Variants in MUS81 observed in about 807,000 individuals in gnomAD.
MUS81 encodes structure-specific endonuclease subunit MUS81.
A neutral mutation model predicts 74.2 loss-of-function variants in MUS81; 69 were observed. The observed-to-expected ratio is 0.93, with a 90% CI of 0.77 to 1.14. The LOEUF is 1.14. MUS81 is among the 50% of genes most tolerant of loss of function. MUS81 has a pLI of 0.00. For missense variants in MUS81, 711 were observed against 726.5 expected (o/e 0.98, Z 0.25); for synonymous variants, 303 against 300.6 (o/e 1.01, Z -0.08).
intron 14 of MUS81, 169 bp from the exon 15 acceptor site, chr11:65,865,642 C>T (rs1320226687): frequency 1.4e-6 from 1 of 723,474 alleles, no homozygotes; most frequent in Non-Finnish European, 2.3e-6. Context: ...AGAGTTCCCA[C>T]AGGGAGGGAG....
Position 65,861,379 on chromosome 11 carries a change from G to A in MUS81, c.295G>A (p.Glu99Lys), listed in dbSNP as rs1233222635. 1 of 1,603,040 alleles carries A rather than the reference G, an allele frequency of 6.2e-7. No individual in the cohort carries two copies. The highest frequency in any genetic ancestry group is 8.5e-7 in the Non-Finnish European group (1 of 1,173,768). The change falls in exon 3 of 16, where the codon GAG becomes AAG. Residue 99 changes from glutamate (E) to lysine (K), a missense_variant. Physicochemically the swap from Glu to Lys is moderately conservative, Grantham distance 56. Coordinates refer to ENST00000308110, the MANE Select transcript of MUS81 (RefSeq NM_025128.5). ...CCATGCCCCGGACTCACCATCTGGAGAGAACAGTCCAGCCCCGCAGGGGCG... is the reference window on the plus strand; with the variant it reads ...CCATGCCCCGGACTCACCATCTGGAAAGAACAGTCCAGCCCCGCAGGGGCG... ...GDHAPDSPSG[E>K]NSPAPQGRLA...
intron 2 of MUS81, 41 bp downstream of exon 2, chr11:65,861,143 C>G: frequency 1.2e-6 from 2 of 1,610,196 alleles, no homozygotes; most frequent in Non-Finnish European, 1.7e-6. Flanking sequence ...CCCACCTCCC[C>G]CAGGTGGAGC....
rs1161452070 is a variant in MUS81, at chr11:65,865,595, G to C, written c.1506-216G>C. 3 of 631,780 alleles carry C rather than the reference G, an allele frequency of 4.7e-6. No homozygotes were observed. In the Admixed American group the frequency reaches 8.8e-5, roughly 19 times the overall value. The allele number at this position is 631,780 out of a possible 1,614,324, so 39.1% of individuals were successfully genotyped here. A position where few individuals can be genotyped will look rare whatever the true frequency, so the allele number is the denominator to read the frequency against. On this transcript the variant is annotated intron_variant, in intron 14 of 15. Transcript: ENST00000308110. ...AAGGGGTTGGGCCATTAAGGGGAGT[G>C]AGGGTGAAGGTTTGGAGCCTTTGCT... is the stretch of plus-strand genomic sequence containing the variant.
At position 65,866,030 on chromosome 11, in the gene MUS81, G is replaced by A. The variant is rs1185976667; in HGVS notation, c.1634G>A (p.Cys545Tyr). Reference protein sequence around the residue: ...ALSRTLSQLYCSYGPLT With the variant: ...ALSRTLSQLYYSYGPLT ...AGCAGGACCTTATCCCAGCTCTACT[G>A]CAGCTACGGCCCCTTGACCTGAGCT... The change falls in exon 16 of 16, where the codon TGC (cysteine) becomes TAC (tyrosine). Residue 545 changes from cysteine to tyrosine, a missense_variant. Cys to Tyr is a radical substitution (Grantham distance 194). Transcript: ENST00000308110. The A allele has an allele frequency of 1.2e-6, 2 of 1,613,904 alleles. No homozygotes were observed. Among genetic ancestry groups the A allele is most frequent in the African/African-American group, 1.3e-5 (1 of 74,904 alleles).
upstream of MUS81, among the ~76,000 whole-genome samples, chr11:65,859,736 C>T (rs1591050894): frequency 6.6e-6 from 1 of 152,228 alleles, no homozygotes; most frequent in East Asian, 1.9e-4. Context: ...CAAACCCTGG[C>T]GGGTCGCCTG....
rs900366780 is a variant in MUS81 at position 65,860,622 on chromosome 11, T to G, written c.-132T>G. 2.9e-5 allele frequency: 38 copies of G among 1,314,322 alleles called. No homozygotes were observed. The highest frequency in any genetic ancestry group is 4.0e-5 in the Non-Finnish European group (38 of 954,610). The allele number at this position is 1,314,322 out of a possible 1,614,324, so 81.4% of individuals were successfully genotyped here. On this transcript the variant is annotated 5_prime_UTR_variant, in exon 1 of 16. Transcript: ENST00000308110. ...GCCCCCTGTGTTTGGGGCCCCGTGA[T>G]CTCAACGGTCCTGCCCTCGGTCTCC...
At chr11:65,864,419 T>C in intron 10 of MUS81, 78 bp from the exon 11 acceptor site, 1 of 1,318,888 alleles carries the variant, frequency 7.6e-7, no homozygotes, top group Non-Finnish European at 1.1e-6. Context: ...CGGCACCATT[T>C]TGAGTGTGAC....
intron 6 of MUS81, among the ~76,000 whole-genome samples, 160 bp downstream of exon 6, chr11:65,862,689 G>A (rs934922617): frequency 6.6e-6 from 1 of 152,132 alleles, no homozygotes; most frequent in East Asian, 1.9e-4. Context: ...GTGTGAAACC[G>A]CAGCAGCGGG....
chr11:65,864,395 TG>T, intron 10 of MUS81, 101 bp from the exon 11 acceptor site: 1 of 1,055,894 alleles, frequency 9.5e-7, no homozygotes, highest in Non-Finnish European at 1.5e-6. Context: ...GGCTAACTGG[TG>T]GGAACAGGGT....
chr11:65,863,161 C>T lies in MUS81; in HGVS notation c.702C>T (p.Pro234=). ...ATGTGGGCATCGGGCCCAAGGAGCC[C>T]CCTGGGGAGGAGACAGCAGTGCCAG... ...LLNVGIGPKE[P]PGEETAVPGA... The change falls in exon 7 of 16, where the codon CCC becomes CCT. Residue 234 remains proline (P), a synonymous_variant. Coordinates refer to ENST00000308110, the MANE Select transcript of MUS81 (RefSeq NM_025128.5). 1 of 1,613,964 alleles carries T rather than the reference C, an allele frequency of 6.2e-7. No homozygotes were observed. Among genetic ancestry groups the T allele is most frequent in the Non-Finnish European group, 8.5e-7 (1 of 1,179,970 alleles).
At chr11:65,861,316 T>C in intron 2 of MUS81, 34 bp from the exon 3 acceptor site, 3 of 1,563,732 alleles carry the variant, frequency 1.9e-6, no homozygotes, top group Middle Eastern at 1.7e-4. Context: ...GCCGGATTCG[T>C]GGAGTGTGGA....
Position 65,864,676 on chromosome 11 carries a change from C to A in MUS81, c.1177-44C>A. 1.2e-6 allele frequency: 2 copies of A among 1,612,730 alleles called. No homozygotes were observed. The highest frequency in any genetic ancestry group is 1.1e-5 in the South Asian group (1 of 91,034). On this transcript the variant is annotated intron_variant, in intron 11 of 15. Coordinates refer to ENST00000308110, the MANE Select transcript of MUS81 (RefSeq NM_025128.5). ...GCCCCTGTGGTCCATGGTTCATGGTCTAGGCCAGGAGCCACCTTCCCTCTC... is the reference window on the plus strand; with the variant it reads ...GCCCCTGTGGTCCATGGTTCATGGTATAGGCCAGGAGCCACCTTCCCTCTC...
intron 6 of MUS81, 123 bp downstream of exon 6, chr11:65,862,652 AGCCCCCACTG>A: frequency 1.1e-6 from 1 of 914,838 alleles, no homozygotes; most frequent in Non-Finnish European, 1.7e-6. Flanking sequence ...TTTCCTCAGG[AGCCCCCACTG>A]TTGGAATACC....
At chr11:65,862,154 G>A (rs568772318) in intron 4 of MUS81, 57 bp from the exon 5 acceptor site, 51 of 1,596,914 alleles carry the variant, frequency 3.2e-5, no homozygotes, top group Admixed American at 1.2e-4. Flanking sequence ...CCACCTGAGC[G>A]GGATGAGGAG....
downstream of MUS81, chr11:65,866,654 G>A (rs542945122): frequency 4.3e-5 from 30 of 703,686 alleles, no homozygotes; most frequent in South Asian, 1.0e-4. Context: ...CTCTCCTCTC[G>A]GGGTGACTGA....
rs138336362 is a variant in MUS81 at position 65,861,979 on chromosome 11, C to T, written c.384C>T (p.Gly128=). ...VPAQPKAGGS[G]SYWPARHSGA... is the part of the protein sequence containing the mutation. ...CCCAGCCCAAAGCGGGAGGCTCTGG[C>T]AGCTACTGGCCAGCTCGGCACTCAG... Residue 128 remains glycine (G), a synonymous_variant, in exon 4 of 16, where the codon GGC becomes GGT. Transcript: ENST00000308110. 5 of 1,611,442 alleles carry T rather than the reference C, an allele frequency of 3.1e-6. No individual in the cohort carries two copies. The African/African-American group carries it at 6.7e-5, about 22-fold the overall frequency.
downstream of MUS81, chr11:65,866,955 A>C (rs1305589445): frequency 6.2e-7 from 1 of 1,614,210 alleles, no homozygotes; most frequent in Admixed American, 1.7e-5. Context: ...GGTGAGCCTC[A>C]GTACAGAGCT....
intron 10 of MUS81, chr11:65,864,231 C>T: frequency 1.7e-6 from 1 of 585,932 alleles, no homozygotes; most frequent in East Asian, 2.9e-5. Flanking sequence ...CTGGGTGGAC[C>T]CCTAGTCACA....
rs1591052157 is a variant in MUS81, at chr11:65,860,446, C to G, written c.-308C>G. 1.9e-6 allele frequency: 1 copy of G among 523,630 alleles called. No individual in the cohort carries two copies. The highest frequency in any genetic ancestry group is 1.8e-5 in the South Asian group (1 of 54,700). 32.4% of individuals were successfully genotyped at this position (523,630 alleles called of 1,614,324 possible). ...CGAATCTGGGGTGACAGGAAGGAGC[C>G]GGTCCAGGCTCCGGGGGCTGGGAAA... On this transcript the variant is annotated 5_prime_UTR_variant, in exon 1 of 16. Coordinates refer to ENST00000308110, the MANE Select transcript of MUS81 (RefSeq NM_025128.5).
Sources: gnomAD v4.1 joint callset for allele counts (sites outside exome capture counted in the v4.1 genomes callset) on GRCh38, gnomAD v4.1.1 for gene constraint, MANE v1.5 for transcripts, NCBI Gene and HGNC (gene_info 2026-07-23, HGNC 2026-07-21) for gene names.